Variants in SLC24A2 observed in about 807,000 individuals in gnomAD.
SLC24A2 encodes solute carrier family 24 member 2.
SLC24A2 carries 36 observed loss-of-function variants against 62.0 expected under a neutral mutation model. The ratio of observed to expected loss-of-function variants is 0.58; its 90% CI spans 0.44 to 0.77. The LOEUF is 0.77. Ranked by LOEUF, SLC24A2 falls within the 30% of genes least tolerant of loss-of-function variation. The pLI is 0.00. For missense variants in SLC24A2, 846 were observed against 817.9 expected, an observed-to-expected ratio of 1.03 and a Z score of -0.42; for synonymous variants, 358 against 294.0, an observed-to-expected ratio of 1.22 and a Z score of -2.23.
chr9:19,934,230 T>C, the SLC24A2 span, among the ~76,000 whole-genome samples: 1 of 152,204 alleles, frequency 6.6e-6, no homozygotes, highest in African/African-American at 2.4e-5. The surrounding 1 kb of genome is among the most constrained non-coding windows in gnomAD (Gnocchi z 4.1). Context: ...TCTCTGCACT[T>C]ATTAGGGCAG....
chr9:20,300,371 TTTTG>T, the SLC24A2 span, among the ~76,000 whole-genome samples: 1 of 152,128 alleles, frequency 6.6e-6, no homozygotes, highest in South Asian at 2.1e-4. Context: ...GTCACTTAGG[TTTTG>T]TTTGTTTGTT....
the SLC24A2 span, among the ~76,000 whole-genome samples, chr9:19,996,764 A>AG: frequency 6.6e-6 from 1 of 151,670 alleles, no homozygotes; most frequent in South Asian, 2.1e-4. Flanking sequence ...AAAAAAAAAA[A>AG]AAAGGAGATC....
chr9:19,751,099 A>C (rs1821969184), intron 2 of SLC24A2, among the ~76,000 whole-genome samples: 1 of 152,162 alleles, frequency 6.6e-6, no homozygotes, highest in African/African-American at 2.4e-5. Flanking sequence ...TAGGATTATG[A>C]ACCTGGGGGA....
chr9:19,869,687 T>G, the SLC24A2 span, among the ~76,000 whole-genome samples: 2 of 152,224 alleles, frequency 1.3e-5, no homozygotes, highest in East Asian at 3.8e-4. Context: ...TTTTCCTCCC[T>G]CTTCCTTTGT....
the SLC24A2 span, among the ~76,000 whole-genome samples, chr9:20,004,812 T>C: frequency 0.011 from 558 of 51,712 alleles, 11 homozygotes; most frequent in African/African-American, 0.044. Context: ...AAGATGATGA[T>C]TTTTTTTTTT....
At chr9:20,288,567 G>C in the SLC24A2 span, among the ~76,000 whole-genome samples, 1 of 152,026 alleles carries the variant, frequency 6.6e-6, no homozygotes, top group African/African-American at 2.4e-5. Context: ...CCAGGAGTTT[G>C]AGACCAGCCT....
At position 19,786,470 on chromosome 9, in the gene SLC24A2, C is replaced by A; in HGVS notation, c.397G>T (p.Gly133Cys). The A allele has an allele frequency of 6.2e-7, 1 of 1,614,132 alleles. No individual in the cohort carries two copies. The highest frequency in any genetic ancestry group is 8.5e-7 in the Non-Finnish European group (1 of 1,180,038). ...CCAATGACATGCAGAATGATCGCAC[C>A]TTTTCTTCTCTCCTCAAGGGAAAAG... Reference protein sequence around the residue: ...DIFSLEERRKGAIILHVIGMI... With the variant: ...DIFSLEERRKCAIILHVIGMI... Residue 133 changes from glycine (G) to cysteine (C), a missense_variant, in exon 2 of 11, where the codon GGT (glycine) becomes TGT (cysteine). By Grantham distance (159) the Gly-to-Cys change is radical. Transcript: ENST00000341998. The surrounding 1 kb of genome is among the most constrained non-coding windows in gnomAD (Gnocchi z 5.0).
chr9:19,833,067 C>G, the SLC24A2 span, among the ~76,000 whole-genome samples: 1 of 152,110 alleles, frequency 6.6e-6, no homozygotes, highest in South Asian at 2.1e-4. Context: ...GTTAGAATGG[C>G]GATCATTAAA....
chr9:19,684,238 G>A (rs1819810601), intron 2 of SLC24A2, among the ~76,000 whole-genome samples: 1 of 152,054 alleles, frequency 6.6e-6, no homozygotes. Context: ...CTTGGACGAT[G>A]TGGTTTGTTC....
At chr9:20,139,570 G>A in the SLC24A2 span, among the ~76,000 whole-genome samples, 10,137 of 152,224 alleles carry the variant, frequency 0.067, 1,010 homozygotes, top group African/African-American at 0.22. Flanking sequence ...GTGTGCCTTT[G>A]CCTGTCATCT....
At chr9:20,075,073 C>G in the SLC24A2 span, among the ~76,000 whole-genome samples, 15 of 152,266 alleles carry the variant, frequency 9.9e-5, no homozygotes, top group East Asian at 2.3e-3. Context: ...AAATGAAATT[C>G]AGTATCTTTT....
the SLC24A2 span, among the ~76,000 whole-genome samples, chr9:20,146,134 A>G: frequency 2.6e-5 from 4 of 152,138 alleles, no homozygotes; most frequent in African/African-American, 9.7e-5. Context: ...TTGTGTTACT[A>G]TTTCTAAAAT....
At chr9:19,561,282 A>G (rs990973246) in intron 7 of SLC24A2, among the ~76,000 whole-genome samples, 4 of 151,728 alleles carry the variant, frequency 2.6e-5, no homozygotes, top group Non-Finnish European at 5.9e-5. Context: ...CTTATCCTCT[A>G]CTTTCCTATC....
At chr9:20,187,673 T>C in the SLC24A2 span, among the ~76,000 whole-genome samples, 4 of 152,328 alleles carry the variant, frequency 2.6e-5, no homozygotes, top group South Asian at 8.3e-4. Flanking sequence ...CAGGGGTCAC[T>C]TCCTCTAGGA....
intron 5 of SLC24A2, among the ~76,000 whole-genome samples, chr9:19,580,966 T>G (rs76220615): frequency 0.057 from 8,684 of 152,284 alleles, 286 homozygotes; most frequent in Middle Eastern, 0.1. Context: ...AGGGGTCTTC[T>G]GTGAGAAAAT....
At chr9:19,820,009 GTA>G in the SLC24A2 span, among the ~76,000 whole-genome samples, 21 of 109,026 alleles carry the variant, frequency 1.9e-4, no homozygotes, top group Admixed American at 1.5e-3. Flanking sequence ...ATATATATGT[GTA>G]TATATATATA....
intron 2 of SLC24A2, among the ~76,000 whole-genome samples, chr9:19,749,662 G>C (rs1282029821): frequency 6.6e-6 from 1 of 152,150 alleles, no homozygotes; most frequent in Non-Finnish European, 1.5e-5. Context: ...GATAAACAAT[G>C]AATCATTTTT....
chr9:19,927,908 C>A, the SLC24A2 span: 5 of 152,428 alleles, frequency 3.3e-5, no homozygotes, highest in African/African-American at 9.6e-5. Flanking sequence ...GCCTGGCACT[C>A]CTGGAGCTCA....
At chr9:20,113,858 C>T in the SLC24A2 span, among the ~76,000 whole-genome samples, 1 of 152,250 alleles carries the variant, frequency 6.6e-6, no homozygotes, top group Admixed American at 6.5e-5. Flanking sequence ...TACATTTCCA[C>T]ATAAAACAAC....
Sources: allele counts gnomAD v4.1 joint callset (sites outside exome capture counted in the v4.1 genomes callset), GRCh38; gene constraint gnomAD v4.1.1; non-coding constraint Gnocchi (gnomAD v3.1); transcripts MANE v1.5; gene names NCBI Gene and HGNC (gene_info 2026-07-23, HGNC 2026-07-21).